Variants in ZNF471 observed in about 807,000 individuals in gnomAD.
ZNF471 encodes EZFIT-related protein 1.
A neutral mutation model predicts 13.7 loss-of-function variants in ZNF471; 7 were observed. The ratio of observed to expected loss-of-function variants is 0.51; its 90% CI spans 0.29 to 0.96. The LOEUF (loss-of-function observed/expected upper bound fraction) is 0.96. Ranked by LOEUF, ZNF471 falls within the 40% of genes least tolerant of loss-of-function variation. ZNF471 has a pLI of 0.08. For missense variants in ZNF471, 663 were observed against 743.3 expected, an observed-to-expected ratio of 0.89 and a Z score of 1.26; for synonymous variants, 218 against 235.6, an observed-to-expected ratio of 0.93 and a Z score of 0.68.
At chr19:56,514,105 C>T (rs2043848004) in intron 2 of ZNF471, among the ~76,000 whole-genome samples, 1 of 146,632 alleles carries the variant, frequency 6.8e-6, no homozygotes, top group Middle Eastern at 3.4e-3. Context: ...ACTCTGTCAC[C>T]CAGGCTGGAG....
chr19:56,524,269 C>A lies in ZNF471; in HGVS notation c.257-55C>A. On this transcript the variant is annotated intron_variant, in intron 4 of 4. Transcript: ENST00000308031. This position sits in a 1 kb window ranked among gnomAD's most constrained non-coding sequence, Gnocchi z 4.8. ...TTAAATTACCTTTTTCACAATGTCT[C>A]CTTTGTTGTAGCCCATGATAAAGGG... is the stretch of plus-strand genomic sequence containing the variant. 8.3e-7 allele frequency: 1 copy of A among 1,206,830 alleles called. No individual in the cohort carries two copies. The highest frequency in any genetic ancestry group is 1.7e-5 in the South Asian group (1 of 58,292). 74.8% of individuals were successfully genotyped at this position (1,206,830 alleles called of 1,614,324 possible). A position where few individuals can be genotyped will look rare whatever the true frequency, so the allele number is the denominator to read the frequency against.
rs2044073772 is a variant in ZNF471 at position 56,528,559 on chromosome 19, G to A, written c.*2611G>A. The A allele has an allele frequency of 6.6e-6, 1 of 152,166 alleles. No individual in the cohort carries two copies. The highest frequency in any genetic ancestry group is 1.5e-5 in the Non-Finnish European group (1 of 68,030). 9.4% of individuals were successfully genotyped at this position (152,166 alleles called of 1,614,324 possible). ...GCCTGACTTAAAACAGTATCTTAAG[G>A]TAGATGGTGATTAGCACATGTAGTA... is the stretch of plus-strand genomic sequence containing the variant. On this transcript the variant is annotated 3_prime_UTR_variant, in exon 5 of 5. Coordinates refer to ENST00000308031, the MANE Select transcript of ZNF471 (RefSeq NM_020813.4).
At chr19:56,521,732 G>T (rs1426580682) in intron 4 of ZNF471, among the ~76,000 whole-genome samples, 1 of 150,694 alleles carries the variant, frequency 6.6e-6, no homozygotes, top group Non-Finnish European at 1.5e-5. Flanking sequence ...GGGAGGATTG[G>T]TTCAGCAGGA....
chr19:56,524,717 A>G lies in ZNF471; in HGVS notation c.650A>G (p.His217Arg). ...KCNECDKTFT[H>R]SSSLTVHFRI... ...AATGAATGTGACAAAACCTTCACCCATAGCTCATCCCTTACTGTTCATTTT... is the reference window on the plus strand; with the variant it reads ...AATGAATGTGACAAAACCTTCACCCGTAGCTCATCCCTTACTGTTCATTTT... The change falls in exon 5 of 5, where the codon CAT becomes CGT. Residue 217 changes from histidine (H) to arginine (R), a missense_variant. Transcript: ENST00000308031. The surrounding 1 kb of genome is among the most constrained non-coding windows in gnomAD (Gnocchi z 4.8). 1 of 1,595,818 alleles carries G rather than the reference A, an allele frequency of 6.3e-7. No individual in the cohort carries two copies. Among genetic ancestry groups the G allele is most frequent in the African/African-American group, 1.4e-5 (1 of 73,764 alleles).
intron 4 of ZNF471, 94 bp downstream of exon 4, chr19:56,518,671 C>CTCT (rs2043927404): frequency 2.9e-6 from 3 of 1,043,212 alleles, no homozygotes; most frequent in Non-Finnish European, 4.2e-6. Context: ...ATCTCAGAAA[C>CTCT]TCTTCATAAG....
chr19:56,519,278 A>G (rs1287687640), intron 4 of ZNF471, among the ~76,000 whole-genome samples: 2 of 152,124 alleles, frequency 1.3e-5, no homozygotes, highest in East Asian at 3.9e-4. Context: ...CAAATGTCAT[A>G]TTAGGGTCAA....
At chr19:56,511,327 G>A (rs970544874) in intron 1 of ZNF471, among the ~76,000 whole-genome samples, 190 bp from the exon 2 acceptor site, 1 of 151,478 alleles carries the variant, frequency 6.6e-6, no homozygotes, top group African/African-American at 2.4e-5. Context: ...CTTTGAAAAA[G>A]ATTAAATTTA....
Position 56,525,342 on chromosome 19 carries a change from T to C in ZNF471, c.1275T>C (p.His425=). 1 of 1,614,150 alleles carries C rather than the reference T, an allele frequency of 6.2e-7. No individual in the cohort carries two copies. Among genetic ancestry groups the C allele is most frequent in the Non-Finnish European group, 8.5e-7 (1 of 1,179,992 alleles). The change falls in exon 5 of 5, where the codon CAT becomes CAC. Residue 425 remains histidine, a synonymous_variant. Transcript: ENST00000308031. ...CCCGTACTGTACATCAGAGAATTCA[T>C]ACAGGAGAGAAACCTTATGAATGTG... The part of the protein sequence containing the change: ...GSSRTVHQRI[H]TGEKPYECDI...
At position 56,528,041 on chromosome 19, in the gene ZNF471, A is replaced by G. The variant is rs1020452851; in HGVS notation, c.*2093A>G. On this transcript the variant is annotated 3_prime_UTR_variant, in exon 5 of 5. Coordinates refer to ENST00000308031, the MANE Select transcript of ZNF471 (RefSeq NM_020813.4). ...CACATACAATACACTAACATTAACA[A>G]TAGCTGATGAGCTAAGAAAAAAAAA... is the stretch of plus-strand genomic sequence containing the variant. The G allele has an allele frequency of 3.3e-5, 5 of 152,276 alleles. No individual in the cohort carries two copies. Among genetic ancestry groups the G allele is most frequent in the African/African-American group, 1.2e-4 (5 of 41,540 alleles). The allele number at this position is 152,276 out of a possible 1,614,324, so 9.4% of individuals were successfully genotyped here.
chr19:56,516,551 G>A lies in ZNF471; in HGVS notation c.160+150G>A. On this transcript the variant is annotated intron_variant, in intron 3 of 4. Transcript: ENST00000308031. The surrounding 1 kb of genome is among the most constrained non-coding windows in gnomAD (Gnocchi z 4.4). ...GATATTGAGGGACTGAAGAAAACTT[G>A]AGATTTAGAGTTAGTGAATTTGGAG... 1.4e-6 allele frequency: 1 copy of A among 692,322 alleles called. No homozygotes were observed. The highest frequency in any genetic ancestry group is 2.1e-5 in the South Asian group (1 of 47,088). The allele number at this position is 692,322 out of a possible 1,614,324, so 42.9% of individuals were successfully genotyped here.
chr19:56,508,075 G>A lies in ZNF471; in HGVS notation c.-56+155G>A, dbSNP rs900070229. On this transcript the variant is annotated intron_variant, in intron 1 of 4. Transcript: ENST00000308031. This position sits in a 1 kb window ranked among gnomAD's most constrained non-coding sequence, Gnocchi z 4.7. Reference sequence around the variant, plus strand: ...AGAGGCCAGCGGGGCGCGCGTACTCGAGTCTGCGGGGCGGAGGCCGCGGCT... The same window carrying A: ...AGAGGCCAGCGGGGCGCGCGTACTCAAGTCTGCGGGGCGGAGGCCGCGGCT... The A allele has an allele frequency of 1.0e-6, 1 of 985,222 alleles. No homozygotes were observed. The highest frequency in any genetic ancestry group is 1.7e-5 in the African/African-American group (1 of 57,248). The allele number at this position is 985,222 out of a possible 1,614,324, so 61.0% of individuals were successfully genotyped here. A position where few individuals can be genotyped will look rare whatever the true frequency, so the allele number is the denominator to read the frequency against.
intron 2 of ZNF471, among the ~76,000 whole-genome samples, chr19:56,515,136 T>C (rs912104408): frequency 6.6e-6 from 1 of 152,182 alleles, no homozygotes; most frequent in African/African-American, 2.4e-5. Context: ...TCTATAGATA[T>C]TGGTAAAATT....
At chr19:56,511,736 CT>C (rs1171760880) in intron 2 of ZNF471, 132 bp downstream of exon 2, 16 of 700,372 alleles carry the variant, frequency 2.3e-5, no homozygotes, top group Admixed American at 2.5e-5. Flanking sequence ...TCAGGGGCCA[CT>C]GTCTTTAACT....
Position 56,526,070 on chromosome 19 carries a change from C to A in ZNF471, c.*122C>A. 9.2e-7 allele frequency: 1 copy of A among 1,088,324 alleles called. No individual in the cohort carries two copies. Among genetic ancestry groups the A allele is most frequent in the Non-Finnish European group, 1.3e-6 (1 of 781,268 alleles). The allele number at this position is 1,088,324 out of a possible 1,614,324, so 67.4% of individuals were successfully genotyped here. A position where few individuals can be genotyped will look rare whatever the true frequency, so the allele number is the denominator to read the frequency against. ...TGTAGAAAAACCTTCAGCCAGGAGG[C>A]TGGCAAGATGGCCGAATAGGAACAG... On this transcript the variant is annotated 3_prime_UTR_variant, in exon 5 of 5. Coordinates refer to ENST00000308031, the MANE Select transcript of ZNF471 (RefSeq NM_020813.4).
In ZNF471 at chr19:56,524,598, TTA is replaced by T. The variant is rs1568475872; in HGVS notation, c.534_535del (p.Tyr178Ter). 1 of 1,593,314 alleles carries T rather than the reference TTA, an allele frequency of 6.3e-7. No individual in the cohort carries two copies. Among genetic ancestry groups the T allele is most frequent in the East Asian group, 2.2e-5 (1 of 44,792 alleles). ...ATCTGGAAAACATAGAAGAGAGTAT[TTA>T]TAATCACACATCAGATAAAAAAAGC... ...IHLENIEESI[Y>X]NHTSDKKSFS... On this transcript the variant is annotated frameshift_variant, in exon 5 of 5. Transcript: ENST00000308031. LOFTEE classifies it low-confidence loss of function (END_TRUNC). This position sits in a 1 kb window ranked among gnomAD's most constrained non-coding sequence, Gnocchi z 4.8.
At chr19:56,518,617 T>C in intron 4 of ZNF471, 40 bp downstream of exon 4, 3 of 1,559,290 alleles carry the variant, frequency 1.9e-6, no homozygotes, top group Non-Finnish European at 2.6e-6. Flanking sequence ...CTTTTTGACA[T>C]AATGGCTCAG....
chr19:56,524,417 A>AGT lies in ZNF471; in HGVS notation c.353_354dup (p.Ser119ValfsTer29), dbSNP rs1349795982. The stretch of plus-strand genomic sequence containing the variant: ...GAGGGAATTACTAGCTATGGACTTG[A>AGT]GTGTTCCACTTTTGAAGAAAATTGG... On this transcript the variant is annotated frameshift_variant, in exon 5 of 5. Transcript: ENST00000308031. LOFTEE classifies it low-confidence loss of function (END_TRUNC). This position sits in a 1 kb window ranked among gnomAD's most constrained non-coding sequence, Gnocchi z 4.8. 6.2e-7 allele frequency: 1 copy of AGT among 1,613,614 alleles called. No homozygotes were observed. Among genetic ancestry groups the AGT allele is most frequent in the Non-Finnish European group, 8.5e-7 (1 of 1,179,912 alleles).
intron 1 of ZNF471, among the ~76,000 whole-genome samples, chr19:56,511,237 T>G (rs1015905972): frequency 1.3e-5 from 2 of 151,798 alleles, no homozygotes; most frequent in African/African-American, 4.8e-5. Context: ...AAATGACTAT[T>G]TTATAGGATT....
chr19:56,519,180 G>A (rs2043935361), intron 4 of ZNF471, among the ~76,000 whole-genome samples: 1 of 152,134 alleles, frequency 6.6e-6, no homozygotes, highest in Non-Finnish European at 1.5e-5. Flanking sequence ...AGCCTTGGGA[G>A]ACTAGATGGC....
Sources: allele counts gnomAD v4.1 joint callset (sites outside exome capture counted in the v4.1 genomes callset), GRCh38; gene constraint gnomAD v4.1.1; non-coding constraint Gnocchi (gnomAD v3.1); transcripts MANE v1.5; gene names NCBI Gene and HGNC (gene_info 2026-07-23, HGNC 2026-07-21).